The following NOX4 variants were observed in gnomAD, a reference collection of about 807,000 sequenced individuals.
The protein encoded by NOX4 is kidney oxidase-1.
NOX4 carries 69 observed loss-of-function variants against 87.6 expected under a neutral mutation model. The observed-to-expected ratio is 0.79, with a 90% CI of 0.65 to 0.96. The LOEUF (loss-of-function observed/expected upper bound fraction) is 0.96. Among genes scored for constraint, NOX4 ranks in the 40% least tolerant of loss-of-function variants. The pLI is 0.00. For synonymous variants in NOX4, 275 were observed against 238.2 expected, an observed-to-expected ratio of 1.15 and a Z score of -1.42; for missense variants, 680 against 681.5, an observed-to-expected ratio of 1.00 and a Z score of 0.02.
At chr11:89,387,011 C>G (rs1565224338) in intron 11 of NOX4, among the ~76,000 whole-genome samples, 1 of 152,086 alleles carries the variant, frequency 6.6e-6, no homozygotes, top group African/African-American at 2.4e-5. Flanking sequence ...CCCCTTACCA[C>G]AAAATCTTCT....
chr11:89,382,139 T>C (rs903743053), intron 11 of NOX4, among the ~76,000 whole-genome samples: 1 of 152,028 alleles, frequency 6.6e-6, no homozygotes, highest in Non-Finnish European at 1.5e-5. Flanking sequence ...ACCACTTTCC[T>C]GAGGGGGGAG....
chr11:89,337,568 G>T lies in NOX4; in HGVS notation c.1447-53C>A, dbSNP rs371799156. The T allele has an allele frequency of 3.8e-6, 6 of 1,596,620 alleles. No individual in the cohort carries two copies. The African/African-American group carries it at 8.0e-5, about 21-fold the overall frequency. ...TATTACAATTCTGTGGGTATACTCA[G>T]ATTTTCTCCTATTCTAACATACTTG... On this transcript the variant is annotated intron_variant, in intron 15 of 17. Transcript: ENST00000263317.
At chr11:89,406,640 T>A (rs987190937) in intron 8 of NOX4, among the ~76,000 whole-genome samples, 1 of 152,116 alleles carries the variant, frequency 6.6e-6, no homozygotes, top group African/African-American at 2.4e-5. Flanking sequence ...GGAAATGGTC[T>A]AAGTCTCTGA....
rs369650195 is a variant in NOX4 at position 89,400,316 on chromosome 11, G to T, written c.910C>A (p.Arg304=). ...YCAERLYRYI[R]SNKPVTIISV... ...ATGATGGTGACTGGCTTATTGCTCC[G>T]GATATACCTGTAAAGTCTTTCGGCA... The change falls in exon 10 of 18, where the codon CGG becomes AGG. Residue 304 remains arginine (R), a synonymous_variant. Coordinates refer to ENST00000263317, the MANE Select transcript of NOX4 (RefSeq NM_016931.5). The T allele has an allele frequency of 8.7e-6, 14 of 1,612,628 alleles. No homozygotes were observed. The African/African-American group carries it at 1.2e-4, about 14-fold the overall frequency.
the NOX4 span, among the ~76,000 whole-genome samples, chr11:89,549,925 T>A: frequency 6.6e-6 from 1 of 152,228 alleles, no homozygotes; most frequent in East Asian, 1.9e-4. Context: ...TCATTCCAAG[T>A]CTTTGCTGTT....
chr11:89,326,553 CT>C lies in NOX4; in HGVS notation c.*202del. Reference sequence around the variant, plus strand: ...AAAGTGAATCATCACATCAAATATTCTTCAGGGTCTCTTTGGTTTCCAGATT... The same window carrying C: ...AAAGTGAATCATCACATCAAATATTCTCAGGGTCTCTTTGGTTTCCAGATT... On this transcript the variant is annotated 3_prime_UTR_variant, in exon 18 of 18. Coordinates refer to ENST00000263317, the MANE Select transcript of NOX4 (RefSeq NM_016931.5). 2.4e-6 allele frequency: 1 copy of C among 421,340 alleles called. No homozygotes were observed. Among genetic ancestry groups the C allele is most frequent in the Non-Finnish European group, 4.2e-6 (1 of 236,514 alleles). 26.1% of individuals were successfully genotyped at this position (421,340 alleles called of 1,614,324 possible).
chr11:89,446,099 C>G (rs941425714), intron 4 of NOX4, among the ~76,000 whole-genome samples: 2 of 152,012 alleles, frequency 1.3e-5, no homozygotes, highest in African/African-American at 4.8e-5. Context: ...AGATGGCAAA[C>G]AAGCACGAAA....
At chr11:89,424,086 T>C (rs953623306) in intron 7 of NOX4, among the ~76,000 whole-genome samples, 68 of 151,618 alleles carry the variant, frequency 4.5e-4, no homozygotes, top group African/African-American at 1.6e-3. Flanking sequence ...AAAATATATA[T>C]ATAATAATTA....
At chr11:89,455,719 C>CATATATATATATATATATAT (rs60864771) in intron 2 of NOX4, among the ~76,000 whole-genome samples, 10 of 141,070 alleles carry the variant, frequency 7.1e-5, no homozygotes, top group Admixed American at 2.1e-4. Flanking sequence ...AAGATGAAGT[C>CATATATATATATATATATAT]ATATATATAT....
intron 6 of NOX4, among the ~76,000 whole-genome samples, chr11:89,435,533 T>G (rs1944040070): frequency 1.3e-5 from 2 of 152,116 alleles, no homozygotes; most frequent in African/African-American, 4.8e-5. Flanking sequence ...CAGGGTACAT[T>G]AATGTATAAA....
chr11:89,377,000 G>C (rs965188473), intron 11 of NOX4, among the ~76,000 whole-genome samples: 2 of 152,238 alleles, frequency 1.3e-5, no homozygotes, highest in African/African-American at 4.8e-5. Flanking sequence ...AGAGGTTGCA[G>C]TGAGCTGAGA....
intron 11 of NOX4, among the ~76,000 whole-genome samples, chr11:89,389,028 G>A (rs183852452): frequency 2.6e-5 from 4 of 152,152 alleles, no homozygotes; most frequent in Non-Finnish European, 5.9e-5. Flanking sequence ...CTAGGAAGTA[G>A]AGCATACAGG....
intron 4 of NOX4, among the ~76,000 whole-genome samples, chr11:89,448,324 C>T (rs1382914367): frequency 1.3e-5 from 2 of 152,208 alleles, no homozygotes; most frequent in Admixed American, 1.3e-4. Flanking sequence ...CCTCGGAATC[C>T]ATGTCCTTCA....
At chr11:89,450,879 C>T (rs1944927030) in intron 3 of NOX4, among the ~76,000 whole-genome samples, 1 of 151,786 alleles carries the variant, frequency 6.6e-6, no homozygotes, top group African/African-American at 2.4e-5. Context: ...GAATACTATG[C>T]AGCCATAAAA....
At chr11:89,472,111 G>A (rs1300433743) in intron 2 of NOX4, among the ~76,000 whole-genome samples, 1 of 152,128 alleles carries the variant, frequency 6.6e-6, no homozygotes, top group Non-Finnish European at 1.5e-5. Flanking sequence ...TGAAGAACAT[G>A]TCATGAGTAA....
At chr11:89,419,551 G>T (rs16913218) in intron 8 of NOX4, among the ~76,000 whole-genome samples, 3,051 of 151,764 alleles carry the variant, frequency 0.02, 113 homozygotes, top group African/African-American at 0.069. Context: ...TGTATGGGTT[G>T]CATGACATAT....
intron 8 of NOX4, among the ~76,000 whole-genome samples, chr11:89,403,540 G>C (rs1413881653): frequency 1.3e-5 from 2 of 152,056 alleles, no homozygotes; most frequent in East Asian, 3.9e-4. Context: ...AGGAGTTCGA[G>C]ACCAGCCTGA....
chr11:89,371,470 A>T (rs317163), intron 12 of NOX4, among the ~76,000 whole-genome samples: 15,583 of 151,942 alleles, frequency 0.1, 964 homozygotes, highest in South Asian at 0.18. Flanking sequence ...GTAATAAAAA[A>T]TAACTTTGTG....
At chr11:89,470,657 A>G (rs545341548) in intron 2 of NOX4, among the ~76,000 whole-genome samples, 6 of 152,170 alleles carry the variant, frequency 3.9e-5, no homozygotes, top group East Asian at 1.9e-4. Flanking sequence ...ACAGCACCCA[A>G]TTAAAGAAAA....
Sources: gnomAD v4.1 joint callset for allele counts (sites outside exome capture counted in the v4.1 genomes callset) on GRCh38, gnomAD v4.1.1 for gene constraint, MANE v1.5 for transcripts, NCBI Gene and HGNC (gene_info 2026-07-23, HGNC 2026-07-21) for gene names.